The following PODNL1 variants were observed in gnomAD, a reference collection of about 807,000 sequenced individuals.
The protein encoded by PODNL1 is podocan-like protein 1.
PODNL1 carries 50 observed loss-of-function variants against 45.1 expected under a neutral mutation model. That is an observed-to-expected ratio of 1.11 (90% CI 0.88 to 1.40). The LOEUF is 1.40. Ranked by LOEUF, PODNL1 falls within the 40% of genes most tolerant of loss-of-function variation. The pLI, the probability that PODNL1 is intolerant of heterozygous loss-of-function variation, is 0.00. For synonymous variants in PODNL1, 406 were observed against 372.5 expected (o/e 1.09, Z -1.04); for missense variants, 788 against 793.3 (o/e 0.99, Z 0.08).
rs914526498 is a variant in PODNL1 at position 13,933,835 on chromosome 19, A to C, written c.767+43T>G. The stretch of plus-strand genomic sequence containing the variant: ...GGGGGACTGAAGGTTGGGACCCCCG[A>C]CTGTAAATTCTCAGCCCCTGCTGCC... On this transcript the variant is annotated intron_variant, in intron 7 of 9. Coordinates refer to ENST00000588872, the MANE Select transcript of PODNL1 (RefSeq NM_001370095.3). The surrounding 1 kb of genome is among the most constrained non-coding windows in gnomAD (Gnocchi z 5.2). The C allele has an allele frequency of 1.3e-6, 2 of 1,518,690 alleles. No homozygotes were observed. Among genetic ancestry groups the C allele is most frequent in the African/African-American group, 2.8e-5 (2 of 72,514 alleles). The allele number at this position is 1,518,690 out of a possible 1,614,324, so 94.1% of individuals were successfully genotyped here.
chr19:13,936,295 G>A (rs1972344542), intron 3 of PODNL1, 72 bp downstream of exon 3: 2 of 1,391,134 alleles, frequency 1.4e-6, no homozygotes, highest in South Asian at 2.4e-5. Flanking sequence ...ATGGGGCGGG[G>A]GAGGGGGATG....
chr19:13,952,627 C>T, intron 1 of PODNL1: 1 of 1,269,604 alleles, frequency 7.9e-7, no homozygotes, highest in Non-Finnish European at 9.9e-7. Context: ...CGTCCTCAAG[C>T]AGCTGGAGCG....
At chr19:13,945,794 C>T (rs1972796249) in intron 1 of PODNL1, among the ~76,000 whole-genome samples, 1 of 151,300 alleles carries the variant, frequency 6.6e-6, no homozygotes, top group Non-Finnish European at 1.5e-5. Flanking sequence ...GTTGTAGAGG[C>T]AGGAGAATCG....
In PODNL1 at chr19:13,934,344, G is replaced by A. The variant is rs372281040; in HGVS notation, c.561C>T (p.Ser187=). Residue 187 remains serine (S), a synonymous_variant, in exon 6 of 10, where the codon TCC becomes TCT. Transcript: ENST00000588872. The part of the protein sequence containing the change: ...AGLPPDAFRG[S]EAIATLSLSN... Reference sequence around the variant, plus strand: ...AGAGGCTGAGGGTGGCGATGGCCTCGGAGCCGCGGAAGGCGTCGGGGGGCA... The same window carrying A: ...AGAGGCTGAGGGTGGCGATGGCCTCAGAGCCGCGGAAGGCGTCGGGGGGCA... 11 of 1,557,012 alleles carry A rather than the reference G, an allele frequency of 7.1e-6. No individual in the cohort carries two copies. The Admixed American group carries it at 1.4e-4, about 20-fold the overall frequency.
chr19:13,936,500 G>A (rs373113487), intron 2 of PODNL1, 40 bp from the exon 3 acceptor site: 22 of 1,504,758 alleles, frequency 1.5e-5, no homozygotes, highest in African/African-American at 5.5e-5. Flanking sequence ...CCGTGACCCC[G>A]TGACCAAGTG....
In PODNL1 at chr19:13,933,309, C is replaced by A. The variant is rs1213740411; in HGVS notation, c.914G>T (p.Gly305Val). 1.9e-6 allele frequency: 3 copies of A among 1,590,494 alleles called. No homozygotes were observed. The African/African-American group carries it at 4.0e-5, about 21-fold the overall frequency. ...VEAARLHGAR[G>V]LRYLLLQHNQ... ...GTGCTGCAGCAACAAATAGCGCAGA[C>A]CACGCGCCCCGTGCAGCCGAGCCGC... The change falls in exon 8 of 10, where the codon GGT (glycine) becomes GTT (valine). Residue 305 changes from glycine to valine, a missense_variant. Gly to Val is a moderately radical substitution (Grantham distance 109). This residue lies in a region of PODNL1 where 762 missense variants were observed against 750.9 expected (regional missense o/e 1.01). Transcript: ENST00000588872. This position sits in a 1 kb window ranked among gnomAD's most constrained non-coding sequence, Gnocchi z 5.2.
intron 8 of PODNL1, chr19:13,932,340 T>C (rs994190505): frequency 2.8e-5 from 14 of 495,928 alleles, no homozygotes; most frequent in Non-Finnish European, 4.6e-5. Flanking sequence ...GAGTCAGTCA[T>C]TGAATCGCAC....
chr19:13,942,388 T>C (rs925533465), upstream of PODNL1, among the ~76,000 whole-genome samples: 6 of 152,176 alleles, frequency 3.9e-5, no homozygotes, highest in African/African-American at 1.4e-4. Context: ...TTAAATCTCA[T>C]TGGCCTAAAT....
chr19:13,950,005 G>C (rs949337978), intron 1 of PODNL1, among the ~76,000 whole-genome samples: 1 of 150,832 alleles, frequency 6.6e-6, no homozygotes, highest in Non-Finnish European at 1.5e-5. Context: ...GACTACAGGC[G>C]TGTGCCACCT....
At chr19:13,948,786 A>T (rs7408705) in intron 1 of PODNL1, among the ~76,000 whole-genome samples, 32,937 of 144,484 alleles carry the variant, frequency 0.23, 4,407 homozygotes, top group Admixed American at 0.32. Flanking sequence ...AAAAAAAAAA[A>T]AAAAAAAAAA....
chr19:13,947,152 G>C (rs1972846797), intron 1 of PODNL1, among the ~76,000 whole-genome samples: 1 of 113,428 alleles, frequency 8.8e-6, no homozygotes, highest in Non-Finnish European at 1.7e-5. Flanking sequence ...CTGGGTGAAA[G>C]AGCAAGACTC....
upstream of PODNL1, among the ~76,000 whole-genome samples, chr19:13,940,441 C>T (rs1599443595): frequency 6.7e-6 from 1 of 150,162 alleles, no homozygotes; most frequent in Non-Finnish European, 1.5e-5. Flanking sequence ...TGTGGTGGTG[C>T]GCGCCTGTAG....
chr19:13,948,947 A>G (rs1438167117), intron 1 of PODNL1, among the ~76,000 whole-genome samples: 2 of 150,980 alleles, frequency 1.3e-5, no homozygotes, highest in Non-Finnish European at 3.0e-5. Context: ...TCTCAGAAAA[A>G]AAAAAAAAAA....
chr19:13,936,064 G>A lies in PODNL1; in HGVS notation c.320-20C>T. ...GCAGGCCTGGGAGAGTAGGGGGGCAGTGAAGGGACCCCAGGCCTGTCTTGG... is the reference window on the plus strand; with the variant it reads ...GCAGGCCTGGGAGAGTAGGGGGGCAATGAAGGGACCCCAGGCCTGTCTTGG... On this transcript the variant is annotated intron_variant, in intron 3 of 9. Transcript: ENST00000588872. 1 of 1,545,658 alleles carries A rather than the reference G, an allele frequency of 6.5e-7. No individual in the cohort carries two copies. The highest frequency in any genetic ancestry group is 8.7e-7 in the Non-Finnish European group (1 of 1,144,292).
At chr19:13,946,775 A>G (rs1972829228) in intron 1 of PODNL1, among the ~76,000 whole-genome samples, 1 of 151,832 alleles carries the variant, frequency 6.6e-6, no homozygotes. Context: ...AATCTTGGCT[A>G]GGTGCAGTGG....
chr19:13,938,134 G>C (rs754466985), intron 1 of PODNL1, 45 bp downstream of exon 1: 3 of 1,558,066 alleles, frequency 1.9e-6, no homozygotes, highest in Non-Finnish European at 1.7e-6. Flanking sequence ...AGGGGTGGGG[G>C]GGCAGGCAGG....
rs1025622146 is a variant in PODNL1 at position 13,932,346 on chromosome 19, C to T, written c.1426-234G>A. 5 of 486,758 alleles carry T rather than the reference C, an allele frequency of 1.0e-5. No individual in the cohort carries two copies. The Admixed American group carries it at 1.9e-4, about 19-fold the overall frequency. 30.2% of individuals were successfully genotyped at this position (486,758 alleles called of 1,614,324 possible). On this transcript the variant is annotated intron_variant, in intron 8 of 9. Transcript: ENST00000588872. ...TGATTAAATGAGTCAGTCATTGAAT[C>T]GCACCATACCTCTTTCATCACTTTT...
chr19:13,933,050 ACGGGCGCTGGCCAGGCGGTTATAGG>A lies in PODNL1; in HGVS notation c.1148_1172del (p.Ala383ValfsTer23). On this transcript the variant is annotated frameshift_variant, in exon 8 of 10. Transcript: ENST00000588872. LOFTEE classifies it high-confidence loss of function. This position sits in a 1 kb window ranked among gnomAD's most constrained non-coding sequence, Gnocchi z 5.2. ...ACCGGCGGAAGGCCCGGTGGTGCAC[ACGGGCGCTGGCCAGGCGGTTATAGG>A]CCAGGTTAAGCTCCGTCAGGCCCGG... is the stretch of plus-strand genomic sequence containing the variant. The A allele has an allele frequency of 6.5e-7, 1 of 1,536,600 alleles. No individual in the cohort carries two copies. The highest frequency in any genetic ancestry group is 1.4e-5 in the African/African-American group (1 of 73,368).
Position 13,935,991 on chromosome 19 carries a change from C to A in PODNL1, c.373G>T (p.Ala125Ser). ...SLTQLQHLCV[A>S]HNKLSVAPQF... is the part of the protein sequence containing the mutation. ...GGCTGGGGGCTCACCTTGTTGTGAG[C>A]CACGCAGAGGTGCTGCAGCTGGGTG... The change falls in exon 4 of 10, where the codon GCT (alanine) becomes TCT (serine). Residue 125 changes from alanine to serine, a missense_variant. By Grantham distance (99) the Ala-to-Ser change is moderately conservative. This residue lies in a region of PODNL1 where 762 missense variants were observed against 750.9 expected (regional missense o/e 1.01). Coordinates refer to ENST00000588872, the MANE Select transcript of PODNL1 (RefSeq NM_001370095.3). The A allele has an allele frequency of 6.4e-7, 1 of 1,552,350 alleles. No individual in the cohort carries two copies.
Sources: allele counts gnomAD v4.1 joint callset (sites outside exome capture counted in the v4.1 genomes callset), GRCh38; gene constraint gnomAD v4.1.1; regional missense constraint gnomAD v4.1.1; non-coding constraint Gnocchi (gnomAD v3.1); transcripts MANE v1.5; gene names NCBI Gene and HGNC (gene_info 2026-07-23, HGNC 2026-07-21).